RBM20: variants seen among roughly 807,000 people sequenced by gnomAD.
The protein encoded by RBM20 is RNA-binding protein 20.
Under a neutral mutation model 110.1 loss-of-function variants are expected in RBM20, and 51 were observed. The observed-to-expected ratio is 0.46, with a 90% confidence interval of 0.37 to 0.59. The LOEUF is 0.59. RBM20 is among the 20% of genes least tolerant of loss of function. The probability of loss-of-function intolerance (pLI) is 0.00; values close to 1 mark genes in which losing one functional copy is unlikely to be tolerated. For synonymous variants in RBM20, 589 were observed against 618.2 expected, an observed-to-expected ratio of 0.95 and a Z score of 0.70; for missense variants, 1,512 against 1,574.9, an observed-to-expected ratio of 0.96 and a Z score of 0.68.
In RBM20 at chr10:110,784,543, T is replaced by C. The variant is rs1244932595; in HGVS notation, c.1429+111T>C. ...TTCCCTGATGTCCCCTTCTCACGGA[T>C]GTAGAAAGCAAACAGATCCCAAGAC... is the stretch of plus-strand genomic sequence containing the variant. On this transcript the variant is annotated intron_variant, in intron 4 of 13. Transcript: ENST00000369519. 1.9e-5 allele frequency: 16 copies of C among 851,232 alleles called. No individual in the cohort carries two copies. In the South Asian group the frequency reaches 2.1e-4, roughly 11 times the overall value. The allele number at this position is 851,232 out of a possible 1,614,324, so 52.7% of individuals were successfully genotyped here.
intron 5 of RBM20, among the ~76,000 whole-genome samples, chr10:110,791,550 G>T (rs1041029511): frequency 1.3e-5 from 2 of 152,214 alleles, no homozygotes; most frequent in African/African-American, 2.4e-5. Context: ...AAGGGGCAAT[G>T]AAAGGTCTTA....
intron 1 of RBM20, among the ~76,000 whole-genome samples, chr10:110,671,392 C>G (rs1419824917): frequency 6.6e-6 from 1 of 152,120 alleles, no homozygotes; most frequent in Non-Finnish European, 1.5e-5. Context: ...TAAAGTTGTA[C>G]CTGTTTAAAA....
In RBM20 at chr10:110,781,400, A is replaced by G; in HGVS notation, c.791A>G (p.Glu264Gly). 2 of 1,551,680 alleles carry G rather than the reference A, an allele frequency of 1.3e-6. No individual in the cohort carries two copies. The highest frequency in any genetic ancestry group is 8.7e-7 in the Non-Finnish European group (1 of 1,147,008). Reference sequence around the variant, plus strand: ...TCAACCTCGGGCAGTGTGACCTATGAAGGGCACTACAGCCACACAGGGCAG... The same window carrying G: ...TCAACCTCGGGCAGTGTGACCTATGGAGGGCACTACAGCCACACAGGGCAG... ...SASTSGSVTY[E>G]GHYSHTGQDG... The change falls in exon 2 of 14, where the codon GAA becomes GGA. Residue 264 changes from glutamate (E) to glycine (G), a missense_variant. Physicochemically the swap from Glu to Gly is moderately conservative, Grantham distance 98. Coordinates refer to ENST00000369519, the MANE Select transcript of RBM20 (RefSeq NM_001134363.3).
chr10:110,772,572 A>G (rs950555493), intron 1 of RBM20, among the ~76,000 whole-genome samples: 20 of 152,232 alleles, frequency 1.3e-4, no homozygotes, highest in African/African-American at 4.3e-4. Context: ...CAGTACAGGA[A>G]CATGCTGTGC....
At chr10:110,831,024 T>A in intron 12 of RBM20, 37 bp from the exon 13 acceptor site, 1 of 1,536,912 alleles carries the variant, frequency 6.5e-7, no homozygotes, top group Non-Finnish European at 8.8e-7. Flanking sequence ...TCCCATGCCA[T>A]CCTAACCCTG....
intron 1 of RBM20, among the ~76,000 whole-genome samples, chr10:110,715,152 T>C (rs1862996029): frequency 2.0e-5 from 3 of 152,062 alleles, no homozygotes; most frequent in East Asian, 3.9e-4. Context: ...GGAGGCTGAA[T>C]TGGGAGAATC....
At chr10:110,654,036 TGGC>T (rs1861986670) in intron 1 of RBM20, among the ~76,000 whole-genome samples, 1 of 152,166 alleles carries the variant, frequency 6.6e-6, no homozygotes, top group African/African-American at 2.4e-5. Context: ...TTGTTTAACA[TGGC>T]GGCCACCGGA....
At chr10:110,733,269 G>A (rs544223018) in intron 1 of RBM20, among the ~76,000 whole-genome samples, 10 of 152,210 alleles carry the variant, frequency 6.6e-5, no homozygotes, top group East Asian at 5.8e-4. Flanking sequence ...GTTCATCCCC[G>A]TCCCCAACCC....
At chr10:110,805,641 T>A (rs1844684786) in intron 7 of RBM20, among the ~76,000 whole-genome samples, 1 of 152,190 alleles carries the variant, frequency 6.6e-6, no homozygotes, top group African/African-American at 2.4e-5. Context: ...CCATCGGCAA[T>A]AAGCCTTGAC....
At position 110,644,577 on chromosome 10, in the gene RBM20, G is replaced by C; in HGVS notation, c.123G>C (p.Met41Ile). Residue 41 changes from methionine (M) to isoleucine (I), a missense_variant, in exon 1 of 14, where the codon ATG becomes ATC. By Grantham distance (10) the Met-to-Ile change is conservative (BLOSUM62 1). This residue lies in a region of RBM20 where 1,149 missense variants were observed against 1,169.4 expected (regional missense o/e 0.98). Coordinates refer to ENST00000369519, the MANE Select transcript of RBM20 (RefSeq NM_001134363.3). This position sits in a 1 kb window ranked among gnomAD's most constrained non-coding sequence, Gnocchi z 4.3. ...CGGCACCCTCCGGCCCGCGAGGGAT[G>C]CAGCAGCCGCCGCCGCCGCCCCAGC... ...ASPAPSGPRG[M>I]QQPPPPPQPP... 1 of 1,525,920 alleles carries C rather than the reference G, an allele frequency of 6.6e-7. No individual in the cohort carries two copies. The highest frequency in any genetic ancestry group is 8.8e-7 in the Non-Finnish European group (1 of 1,140,424). 94.5% of individuals were successfully genotyped at this position (1,525,920 alleles called of 1,614,324 possible). A position where few individuals can be genotyped will look rare whatever the true frequency, so the allele number is the denominator to read the frequency against.
intron 1 of RBM20, among the ~76,000 whole-genome samples, chr10:110,722,031 C>A (rs1048571567): frequency 6.6e-6 from 1 of 152,018 alleles, no homozygotes; most frequent in East Asian, 1.9e-4. Flanking sequence ...CTTTTCTCTG[C>A]CTTTGATTAA....
chr10:110,794,060 C>T (rs915712872), intron 5 of RBM20, among the ~76,000 whole-genome samples: 14 of 152,188 alleles, frequency 9.2e-5, no homozygotes, highest in African/African-American at 3.1e-4. Context: ...TGATGTACCA[C>T]TCAGGGACCT....
intron 1 of RBM20, among the ~76,000 whole-genome samples, chr10:110,732,077 A>G (rs1843625441): frequency 6.6e-6 from 1 of 152,110 alleles, no homozygotes; most frequent in South Asian, 2.1e-4. Flanking sequence ...GCCACTTTTT[A>G]TCTTAATAAC....
intron 13 of RBM20, 51 bp downstream of exon 13, chr10:110,831,233 T>G: frequency 6.5e-7 from 1 of 1,533,194 alleles, no homozygotes; most frequent in Non-Finnish European, 8.8e-7. Context: ...CCAGTCTCCA[T>G]AACCGAGCCA....
chr10:110,648,066 T>C (rs1288707019), intron 1 of RBM20, among the ~76,000 whole-genome samples: 1 of 152,232 alleles, frequency 6.6e-6, no homozygotes, highest in Non-Finnish European at 1.5e-5. Context: ...CATATTTAAT[T>C]TGAGTATAGA....
rs912374533 is a variant in RBM20 at position 110,644,599 on chromosome 10, C to T, written c.145C>T (p.Gln49Ter). ...GATGCAGCAGCCGCCGCCGCCGCCCCAGCCACCGCCCCCGCCCCAAGCCGG... is the reference window on the plus strand; with the variant it reads ...GATGCAGCAGCCGCCGCCGCCGCCCTAGCCACCGCCCCCGCCCCAAGCCGG... ...RGMQQPPPPP[Q>*]PPPPPQAGLP... The change falls in exon 1 of 14, where the codon CAG becomes TAG. Residue 49 changes from glutamine (Q) to a stop codon, truncating the protein, a stop_gained. Transcript: ENST00000369519. LOFTEE classifies it high-confidence loss of function. The surrounding 1 kb of genome is among the most constrained non-coding windows in gnomAD (Gnocchi z 4.3). The T allele has an allele frequency of 6.6e-7, 1 of 1,522,234 alleles. No homozygotes were observed. Among genetic ancestry groups the T allele is most frequent in the Non-Finnish European group, 8.8e-7 (1 of 1,138,374 alleles). The allele number at this position is 1,522,234 out of a possible 1,614,324, so 94.3% of individuals were successfully genotyped here.
chr10:110,736,673 G>A (rs1157948316), intron 1 of RBM20, among the ~76,000 whole-genome samples: 2 of 152,070 alleles, frequency 1.3e-5, no homozygotes, highest in Non-Finnish European at 2.9e-5. Context: ...AACACCCTGT[G>A]GGCCTATTGA....
chr10:110,790,663 G>A (rs1004752118), intron 5 of RBM20, among the ~76,000 whole-genome samples: 3 of 152,208 alleles, frequency 2.0e-5, no homozygotes, highest in African/African-American at 7.2e-5. Context: ...TACACAATTT[G>A]TTTTTTTCAC....
chr10:110,744,448 A>G (rs1483058358), intron 1 of RBM20, among the ~76,000 whole-genome samples: 1 of 152,232 alleles, frequency 6.6e-6, no homozygotes, highest in East Asian at 1.9e-4. Flanking sequence ...ATATAAAATA[A>G]AAGAACTTGG....
Sources: gnomAD v4.1 joint callset for allele counts (sites outside exome capture counted in the v4.1 genomes callset) on GRCh38, gnomAD v4.1.1 for gene constraint, gnomAD v4.1.1 regional missense constraint, Gnocchi (gnomAD v3.1) non-coding constraint, MANE v1.5 for transcripts, NCBI Gene and HGNC (gene_info 2026-07-23, HGNC 2026-07-21) for gene names.